The following ELMO2 variants were observed in gnomAD, a reference collection of about 807,000 sequenced individuals.
ELMO2 encodes engulfment and cell motility 2, also known as engulfment and cell motility protein 2.
In ELMO2, 37 loss-of-function variants were observed where a neutral mutation model predicts 96.2. The observed-to-expected ratio is 0.38, with a 90% confidence interval of 0.30 to 0.51. The LOEUF is 0.51. Ranked by LOEUF, ELMO2 falls within the 20% of genes least tolerant of loss-of-function variation. The pLI, the probability that ELMO2 is intolerant of heterozygous loss-of-function variation, is 0.88. For missense variants in ELMO2, 561 were observed against 912.6 expected, an observed-to-expected ratio of 0.61 and a Z score of 4.96; for synonymous variants, 315 against 329.4, an observed-to-expected ratio of 0.96 and a Z score of 0.47.
intron 2 of ELMO2, among the ~76,000 whole-genome samples, chr20:46,398,317 A>T (rs556734563): frequency 1.2e-4 from 19 of 152,016 alleles, no homozygotes; most frequent in African/African-American, 3.1e-4. Flanking sequence ...TTATTTTTTT[A>T]AATTTTTTTT....
chr20:46,371,707 AC>A lies in ELMO2; in HGVS notation c.1581-17del. 6.2e-7 allele frequency: 1 copy of A among 1,613,890 alleles called. No individual in the cohort carries two copies. Among genetic ancestry groups the A allele is most frequent in the Non-Finnish European group, 8.5e-7 (1 of 1,179,986 alleles). ...CCTCAGCTCCCTGGGGTGGACACAC[AC>A]TGGAGTGAGCGGAAGGTCATGGGGA... is the stretch of plus-strand genomic sequence containing the variant. On this transcript the variant is annotated splice_polypyrimidine_tract_variant and intron_variant, in intron 17 of 21. Coordinates refer to ENST00000290246, the MANE Select transcript of ELMO2 (RefSeq NM_133171.5). This position sits in a 1 kb window ranked among gnomAD's most constrained non-coding sequence, Gnocchi z 5.9.
At chr20:46,394,214 T>C in intron 3 of ELMO2, 125 bp from the exon 4 acceptor site, 1 of 1,142,828 alleles carries the variant, frequency 8.8e-7, no homozygotes, top group African/African-American at 1.5e-5. Context: ...CTAACAGCTT[T>C]TGTTGAAGAG....
chr20:46,376,709 T>C, intron 11 of ELMO2: 2 of 1,289,554 alleles, frequency 1.6e-6, no homozygotes, highest in South Asian at 2.5e-5. Context: ...CCCACCATTA[T>C]GAATCCTGTC....
intron 6 of ELMO2, among the ~76,000 whole-genome samples, chr20:46,391,682 A>G (rs1465066323): frequency 6.6e-6 from 1 of 152,100 alleles, no homozygotes; most frequent in African/African-American, 2.4e-5. Context: ...TCTATTGATT[A>G]CCTGCTTTCC....
At position 46,393,131 on chromosome 20, in the gene ELMO2, T is replaced by C. The variant is rs370462159; in HGVS notation, c.205A>G (p.Ile69Val). The C allele has an allele frequency of 1.2e-6, 2 of 1,613,988 alleles. No homozygotes were observed. The highest frequency in any genetic ancestry group is 2.7e-5 in the African/African-American group (2 of 74,928). ...LYITEQTRSD[I>V]KNGTILQLAI... is the part of the protein sequence containing the mutation. ...AGTTGTAAGATTGTCCCATTCTTAA[T>C]GTCACTGCGAGTCTGGGTAGTGAAA... The change falls in exon 6 of 22, where the codon ATT becomes GTT. Residue 69 changes from isoleucine to valine, a missense_variant. Ile to Val is a conservative substitution (Grantham distance 29). Transcript: ENST00000290246.
chr20:46,382,724 G>A (rs149972633), intron 10 of ELMO2, among the ~76,000 whole-genome samples: 270 of 152,312 alleles, frequency 1.8e-3, no homozygotes, highest in African/African-American at 6.2e-3. Context: ...TTGTGAAACA[G>A]GGATCTTGTT....
intron 9 of ELMO2, 147 bp from the exon 10 acceptor site, chr20:46,383,641 T>G: frequency 1.3e-6 from 1 of 749,032 alleles, no homozygotes; most frequent in Non-Finnish European, 2.3e-6. Flanking sequence ...GTGGGCATGC[T>G]CTTGACCCAG....
chr20:46,399,721 T>G (rs930068244), intron 1 of ELMO2, among the ~76,000 whole-genome samples: 2 of 152,230 alleles, frequency 1.3e-5, no homozygotes, highest in Non-Finnish European at 2.9e-5. Flanking sequence ...AGCACCTGTG[T>G]CTGCTTAAAC....
chr20:46,391,457 A>G (rs1304229249), intron 6 of ELMO2, among the ~76,000 whole-genome samples: 1 of 152,212 alleles, frequency 6.6e-6, no homozygotes, highest in African/African-American at 2.4e-5. Context: ...ACGCTGGCTG[A>G]TATCACTTCA....
chr20:46,368,803 G>A lies in ELMO2; in HGVS notation c.1962+88C>T, dbSNP rs1245676308. The A allele has an allele frequency of 2.8e-6, 4 of 1,424,994 alleles. No homozygotes were observed. The Admixed American group carries it at 6.8e-5, about 24-fold the overall frequency. 88.3% of individuals were successfully genotyped at this position (1,424,994 alleles called of 1,614,324 possible). A position where few individuals can be genotyped will look rare whatever the true frequency, so the allele number is the denominator to read the frequency against. Reference sequence around the variant, plus strand: ...ATATACACTGCAGCCACCCACCACAGGGGACTTTCCTGTTTTGCTCATTCC... The same window carrying A: ...ATATACACTGCAGCCACCCACCACAAGGGACTTTCCTGTTTTGCTCATTCC... On this transcript the variant is annotated intron_variant, in intron 21 of 21. Coordinates refer to ENST00000290246, the MANE Select transcript of ELMO2 (RefSeq NM_133171.5).
rs149862820 is a variant in ELMO2 at position 46,393,101 on chromosome 20, T to C, written c.235A>G (p.Ile79Val). The C allele has an allele frequency of 2.3e-4, 366 of 1,614,084 alleles. 2 individuals carry two copies. In the East Asian group the frequency reaches 7.2e-3, roughly 32 times the overall value. ...GAAGAAAGAATACCTACCGGGGAGA[T>C]AGCCAGTTGTAAGATTGTCCCATTC... Reference protein sequence around the residue: ...IKNGTILQLAISPSRAARQLM... With the variant: ...IKNGTILQLAVSPSRAARQLM... The change falls in exon 6 of 22, where the codon ATC becomes GTC. Residue 79 changes from isoleucine (I) to valine (V), a missense_variant. By Grantham distance (29) the Ile-to-Val change is conservative. Coordinates refer to ENST00000290246, the MANE Select transcript of ELMO2 (RefSeq NM_133171.5).
chr20:46,402,172 G>C (rs2060347460), intron 1 of ELMO2, among the ~76,000 whole-genome samples: 1 of 152,182 alleles, frequency 6.6e-6, no homozygotes, highest in Non-Finnish European at 1.5e-5. Context: ...AGATGCTCAG[G>C]GTTGACCCAC....
chr20:46,368,638 G>A (rs562193534), intron 21 of ELMO2, among the ~76,000 whole-genome samples: 3 of 152,144 alleles, frequency 2.0e-5, no homozygotes, highest in Admixed American at 2.0e-4. Context: ...CACCCAATGC[G>A]CCTGGAGGAA....
chr20:46,378,979 G>C (rs2059909036), intron 11 of ELMO2, among the ~76,000 whole-genome samples: 1 of 152,054 alleles, frequency 6.6e-6, no homozygotes, highest in Admixed American at 6.6e-5. Flanking sequence ...CCTTGTTTCT[G>C]ACAGTTGATA....
At chr20:46,386,011 C>A in intron 9 of ELMO2, 113 bp downstream of exon 9, 1 of 1,244,864 alleles carries the variant, frequency 8.0e-7, no homozygotes, top group Non-Finnish European at 1.1e-6. Flanking sequence ...AATGAAGAAG[C>A]CAACCAACAG....
At chr20:46,379,933 G>A in intron 11 of ELMO2, 1 of 229,424 alleles carries the variant, frequency 4.4e-6, no homozygotes, top group South Asian at 8.1e-5. Context: ...TCAGTTGGAT[G>A]AGTTATTTTC....
intron 4 of ELMO2, 21 bp downstream of exon 4, chr20:46,394,028 A>G: frequency 6.2e-7 from 1 of 1,613,896 alleles, no homozygotes; most frequent in Non-Finnish European, 8.5e-7. Context: ...ACTGTTGAAA[A>G]CGAGGTCCAT....
At chr20:46,373,607 CTT>C (rs769324959) in intron 15 of ELMO2, 72 bp from the exon 16 acceptor site, 3 of 1,574,656 alleles carry the variant, frequency 1.9e-6, no homozygotes, top group Non-Finnish European at 2.6e-6. Context: ...TGTCTGGAAA[CTT>C]TGCACCAAAG....
rs772292149 is a variant in ELMO2, at chr20:46,370,435, C to A, written c.1884+8G>T. ...GGGCCAGCTACTCAAACTGGCCTCT[C>A]TACTCACCTTGTTCTGTTTCAGAGC... On this transcript the variant is annotated splice_region_variant and intron_variant, in intron 20 of 21. Transcript: ENST00000290246. The A allele has an allele frequency of 1.1e-5, 18 of 1,614,048 alleles. No homozygotes were observed. The highest frequency in any genetic ancestry group is 1.3e-5 in the Non-Finnish European group (15 of 1,179,890).
Sources: gnomAD v4.1 joint callset for allele counts (sites outside exome capture counted in the v4.1 genomes callset) on GRCh38, gnomAD v4.1.1 for gene constraint, Gnocchi (gnomAD v3.1) non-coding constraint, MANE v1.5 for transcripts, NCBI Gene and HGNC (gene_info 2026-07-23, HGNC 2026-07-21) for gene names.